ZMAT3: variants seen among roughly 807,000 people sequenced by gnomAD.
ZMAT3 encodes zinc finger matrin-type protein 3.
Under a neutral mutation model 32.3 loss-of-function variants are expected in ZMAT3, and 17 were observed. The ratio of observed to expected loss-of-function variants is 0.53; its 90% confidence interval spans 0.36 to 0.79. The LOEUF (loss-of-function observed/expected upper bound fraction) is 0.79. ZMAT3 is among the 30% of genes least tolerant of loss of function. The probability of loss-of-function intolerance (pLI) is 0.00; values close to 1 mark genes in which losing one functional copy is unlikely to be tolerated. For missense variants in ZMAT3, 329 were observed against 359.7 expected, an observed-to-expected ratio of 0.91 and a Z score of 0.69; for synonymous variants, 120 against 133.1, an observed-to-expected ratio of 0.90 and a Z score of 0.68.
intron 2 of ZMAT3, among the ~76,000 whole-genome samples, chr3:179,036,693 A>C (rs1719611752): frequency 1.3e-5 from 2 of 152,136 alleles, no homozygotes; most frequent in African/African-American, 4.8e-5. Context: ...GATTGAGACA[A>C]CCGAAAGACA....
intron 2 of ZMAT3, among the ~76,000 whole-genome samples, chr3:179,057,626 T>C (rs1720915718): frequency 1.3e-5 from 2 of 152,228 alleles, no homozygotes; most frequent in South Asian, 2.1e-4. Context: ...TCACTACCTG[T>C]GGCTACAAGG....
chr3:179,057,850 CTAAT>C (rs1243940217), intron 2 of ZMAT3, among the ~76,000 whole-genome samples: 3 of 152,194 alleles, frequency 2.0e-5, no homozygotes, highest in Non-Finnish European at 4.4e-5. Flanking sequence ...ATTCTATACA[CTAAT>C]TAAGGAAACT....
chr3:179,071,308 C>A (rs1388769066), intron 1 of ZMAT3: 1 of 152,336 alleles, frequency 6.6e-6, no homozygotes, highest in Non-Finnish European at 1.5e-5. Context: ...CATGCATACA[C>A]ACGAACCCAC....
chr3:179,049,773 A>G (rs1306854409), intron 2 of ZMAT3, among the ~76,000 whole-genome samples: 1 of 152,116 alleles, frequency 6.6e-6, no homozygotes, highest in East Asian at 1.9e-4. Flanking sequence ...CAGGCGGATC[A>G]CGAGGTCAAG....
At chr3:179,033,831 G>A (rs1719433010) in intron 2 of ZMAT3, among the ~76,000 whole-genome samples, 1 of 152,182 alleles carries the variant, frequency 6.6e-6, no homozygotes, top group Non-Finnish European at 1.5e-5. Context: ...TGACAGCCAA[G>A]GAACTGCAAT....
At chr3:179,025,333 T>A (rs1718810611) in intron 5 of ZMAT3, 105 bp from the exon 6 acceptor site, 1 of 975,566 alleles carries the variant, frequency 1.0e-6, no homozygotes, top group Admixed American at 2.4e-5. Context: ...ATTATAAAAT[T>A]CACAGATTCT....
intron 2 of ZMAT3, among the ~76,000 whole-genome samples, chr3:179,043,511 G>A (rs946468084): frequency 6.6e-6 from 1 of 152,152 alleles, no homozygotes; most frequent in Non-Finnish European, 1.5e-5. Flanking sequence ...GGGAAAACTG[G>A]CTAGCCATAT....
Position 179,067,463 on chromosome 3 carries a change from G to C in ZMAT3, c.270+20C>G. 3 of 1,610,896 alleles carry C rather than the reference G, an allele frequency of 1.9e-6. No homozygotes were observed. Among genetic ancestry groups the C allele is most frequent in the Non-Finnish European group, 2.5e-6 (3 of 1,177,372 alleles). ...AAATGTTCACCCTACTCAATGCCTGGTTTTCTTTTCTCCCTTTACCTGATA... is the reference window on the plus strand; with the variant it reads ...AAATGTTCACCCTACTCAATGCCTGCTTTTCTTTTCTCCCTTTACCTGATA... On this transcript the variant is annotated intron_variant, in intron 2 of 5. Coordinates refer to ENST00000311417, the MANE Select transcript of ZMAT3 (RefSeq NM_022470.4).
intron 2 of ZMAT3, among the ~76,000 whole-genome samples, chr3:179,050,258 A>G (rs896775623): frequency 6.6e-6 from 1 of 152,138 alleles, no homozygotes; most frequent in East Asian, 1.9e-4. Context: ...AAGAGAGAAA[A>G]TCCAAATAAG....
chr3:179,051,346 C>A (rs561165186), intron 2 of ZMAT3, among the ~76,000 whole-genome samples: 1 of 152,182 alleles, frequency 6.6e-6, no homozygotes, highest in South Asian at 2.1e-4. Flanking sequence ...CACCACTATA[C>A]ACCAACAGCT....
intron 2 of ZMAT3, among the ~76,000 whole-genome samples, chr3:179,059,298 T>C (rs1721030091): frequency 6.6e-6 from 1 of 152,116 alleles, no homozygotes; most frequent in Non-Finnish European, 1.5e-5. Context: ...GGGACATCAT[T>C]TCCTCCCCTC....
intron 2 of ZMAT3, among the ~76,000 whole-genome samples, chr3:179,057,738 A>C (rs1344628829): frequency 1.3e-5 from 2 of 152,222 alleles, no homozygotes; most frequent in East Asian, 3.8e-4. Context: ...TATCCAGCCT[A>C]TACTGGCTTA....
At chr3:179,054,408 C>T (rs945522410) in intron 2 of ZMAT3, among the ~76,000 whole-genome samples, 3 of 152,068 alleles carry the variant, frequency 2.0e-5, no homozygotes, top group African/African-American at 4.8e-5. Flanking sequence ...CCTCAAAGTC[C>T]GCGATTTCAG....
intron 1 of ZMAT3, among the ~76,000 whole-genome samples, chr3:179,069,499 G>C (rs1206930721): frequency 6.6e-6 from 1 of 152,000 alleles, no homozygotes; most frequent in African/African-American, 2.4e-5. Context: ...CTCTTCTCTT[G>C]GTCAATAGAA....
intron 2 of ZMAT3, among the ~76,000 whole-genome samples, chr3:179,038,217 G>A (rs1719711737): frequency 6.6e-6 from 1 of 152,164 alleles, no homozygotes; most frequent in African/African-American, 2.4e-5. Context: ...AGACCAACCT[G>A]GAGTTTACGA....
chr3:179,051,423 A>G (rs1720551016), intron 2 of ZMAT3, among the ~76,000 whole-genome samples: 1 of 152,208 alleles, frequency 6.6e-6, no homozygotes, highest in Non-Finnish European at 1.5e-5. Context: ...ATAAAATAAA[A>G]TACATAGGAA....
chr3:179,072,279 GGAA>G (rs1410453990), upstream of ZMAT3: 15 of 152,598 alleles, frequency 9.8e-5, no homozygotes, highest in African/African-American at 3.6e-4. Flanking sequence ...CCAGGATGGA[GGAA>G]GAAGAGCGTG....
chr3:179,034,880 C>T (rs1350623104), intron 2 of ZMAT3, among the ~76,000 whole-genome samples: 1 of 152,188 alleles, frequency 6.6e-6, no homozygotes, highest in Admixed American at 6.5e-5. Flanking sequence ...TCCCACATCA[C>T]TCCACTTCTC....
intron 2 of ZMAT3, among the ~76,000 whole-genome samples, chr3:179,035,004 A>G (rs1719504767): frequency 6.6e-6 from 1 of 152,160 alleles, no homozygotes; most frequent in Non-Finnish European, 1.5e-5. Flanking sequence ...TCTGCTGTTA[A>G]TCTTGTCCTC....
Sources: allele counts gnomAD v4.1 joint callset (sites outside exome capture counted in the v4.1 genomes callset), GRCh38; gene constraint gnomAD v4.1.1; transcripts MANE v1.5; gene names NCBI Gene and HGNC (gene_info 2026-07-23, HGNC 2026-07-21).